The following AZI2 variants were observed in gnomAD, a reference collection of about 807,000 sequenced individuals.
The protein encoded by AZI2 is 5-azacytidine-induced protein 2.
Under a neutral mutation model 45.8 loss-of-function variants are expected in AZI2, and 22 were observed. That is an observed-to-expected ratio of 0.48 (90% confidence interval 0.34 to 0.69). The LOEUF (loss-of-function observed/expected upper bound fraction) is 0.69, where lower values mean the gene tolerates loss of function less well. Ranked by LOEUF, AZI2 falls within the 30% of genes least tolerant of loss-of-function variation. AZI2 has a pLI of 0.01. For missense variants in AZI2, 417 were observed against 441.5 expected (o/e 0.94, Z 0.50); for synonymous variants, 137 against 156.7 (o/e 0.87, Z 0.94).
chr3:28,335,025 A>C (rs1468339773), intron 5 of AZI2, among the ~76,000 whole-genome samples: 1 of 152,072 alleles, frequency 6.6e-6, no homozygotes, highest in Non-Finnish European at 1.5e-5. Flanking sequence ...GGGCCAAAGA[A>C]GTAAAAGAGA....
Position 28,338,692 on chromosome 3 carries a change from C to A in AZI2, c.217-77G>T, listed in dbSNP as rs1377096959. 3.9e-6 allele frequency: 5 copies of A among 1,275,912 alleles called. No homozygotes were observed. In the East Asian group the frequency reaches 1.0e-4, roughly 26 times the overall value. 79.0% of individuals were successfully genotyped at this position (1,275,912 alleles called of 1,614,324 possible). A position where few individuals can be genotyped will look rare whatever the true frequency, so the allele number is the denominator to read the frequency against. Reference sequence around the variant, plus strand: ...AAAATAAGTCAGTGTTCTGATGGCTCCATATCTTACTTCAATCGTAATAAG... The same window carrying A: ...AAAATAAGTCAGTGTTCTGATGGCTACATATCTTACTTCAATCGTAATAAG... On this transcript the variant is annotated intron_variant, in intron 2 of 7. Coordinates refer to ENST00000479665, the MANE Select transcript of AZI2 (RefSeq NM_022461.5).
intron 6 of AZI2, among the ~76,000 whole-genome samples, chr3:28,330,234 G>A (rs1024561204): frequency 2.6e-5 from 4 of 151,084 alleles, no homozygotes; most frequent in Admixed American, 6.6e-5. Context: ...TTTATACAAG[G>A]AGTATCATAT....
chr3:28,324,421 C>T lies in AZI2; in HGVS notation c.800G>A (p.Gly267Glu). The T allele has an allele frequency of 1.3e-6, 2 of 1,528,226 alleles. No homozygotes were observed. The highest frequency in any genetic ancestry group is 1.8e-6 in the Non-Finnish European group (2 of 1,136,486). 94.7% of individuals were successfully genotyped at this position (1,528,226 alleles called of 1,614,324 possible). A position where few individuals can be genotyped will look rare whatever the true frequency, so the allele number is the denominator to read the frequency against. ...CAAGTGCAGTTTTGTGCTGTCTCTT[C>T]CAAGGTCTTCACTGCATCCTACAGG... ...CAPVGCSEDL[G>E]RDSTKLHLMN... The change falls in exon 8 of 8, where the codon GGA (glycine) becomes GAA (glutamate). Residue 267 changes from glycine to glutamate, a missense_variant. Gly to Glu is a moderately conservative substitution (Grantham distance 98, BLOSUM62 -2). Coordinates refer to ENST00000479665, the MANE Select transcript of AZI2 (RefSeq NM_022461.5).
chr3:28,340,121 T>TA (rs1283236862), intron 2 of AZI2, among the ~76,000 whole-genome samples: 3 of 151,682 alleles, frequency 2.0e-5, no homozygotes, highest in African/African-American at 7.3e-5. Context: ...AAATTCTGAA[T>TA]AAAATACATA....
Position 28,340,417 on chromosome 3 carries a change from T to A in AZI2, c.201A>T (p.Arg67Ser). ...TAAAAATTACCTTTTCTTCCAAAAATCTTATTCTCTTCTTTAACAAAGAGT... is the reference window on the plus strand; with the variant it reads ...TAAAAATTACCTTTTCTTCCAAAAAACTTATTCTCTTCTTTAACAAAGAGT... ...KENSLLKKRI[R>S]FLEEKLIARF... Residue 67 changes from arginine to serine, a missense_variant, in exon 2 of 8, where the codon AGA (arginine) becomes AGT (serine). Physicochemically the swap from Arg to Ser is moderately radical, Grantham distance 110. Coordinates refer to ENST00000479665, the MANE Select transcript of AZI2 (RefSeq NM_022461.5). 4 of 1,589,946 alleles carry A rather than the reference T, an allele frequency of 2.5e-6. No individual in the cohort carries two copies. Among genetic ancestry groups the A allele is most frequent in the Non-Finnish European group, 3.4e-6 (4 of 1,160,678 alleles).
chr3:28,340,889 C>T (rs1703991260), intron 1 of AZI2, among the ~76,000 whole-genome samples: 1 of 151,946 alleles, frequency 6.6e-6, no homozygotes, highest in South Asian at 2.1e-4. Context: ...CTATAAACCA[C>T]TTAAAACCAT....
At chr3:28,332,325 G>A in intron 6 of AZI2, 44 bp downstream of exon 6, 1 of 1,531,146 alleles carries the variant, frequency 6.5e-7, no homozygotes, top group Non-Finnish European at 9.0e-7. Context: ...AGTGACTTAT[G>A]GAAGAAGACA....
intron 1 of AZI2, among the ~76,000 whole-genome samples, chr3:28,342,789 T>G (rs1704077088): frequency 6.6e-6 from 1 of 151,272 alleles, no homozygotes; most frequent in South Asian, 2.1e-4. Context: ...CACAGACGGC[T>G]AGGTAAGTGG....
At chr3:28,345,858 T>C (rs1296439188) in intron 1 of AZI2, among the ~76,000 whole-genome samples, 2 of 152,090 alleles carry the variant, frequency 1.3e-5, no homozygotes, top group African/African-American at 2.4e-5. Flanking sequence ...ATAAATATGA[T>C]TATCCTGTCA....
chr3:28,340,463 A>T lies in AZI2; in HGVS notation c.155T>A (p.Leu52His). 1.2e-6 allele frequency: 2 copies of T among 1,612,634 alleles called. No homozygotes were observed. The highest frequency in any genetic ancestry group is 1.7e-6 in the Non-Finnish European group (2 of 1,178,992). Residue 52 changes from leucine (L) to histidine (H), a missense_variant, in exon 2 of 8, where the codon CTT becomes CAT. Coordinates refer to ENST00000479665, the MANE Select transcript of AZI2 (RefSeq NM_022461.5). ...AGAGTTCTCTTTCTCTGAATCCTTAAGTCGTTTTTTGATGTCTTCATATGC... is the reference window on the plus strand; with the variant it reads ...AGAGTTCTCTTTCTCTGAATCCTTATGTCGTTTTTTGATGTCTTCATATGC... ...VTAYEDIKKR[L>H]KDSEKENSLL...
At position 28,323,923 on chromosome 3, in the gene AZI2, T is replaced by C. The variant is rs1300603799; in HGVS notation, c.*119A>G. 5 of 1,161,110 alleles carry C rather than the reference T, an allele frequency of 4.3e-6. No individual in the cohort carries two copies. Among genetic ancestry groups the C allele is most frequent in the Non-Finnish European group, 6.1e-6 (5 of 821,784 alleles). 71.9% of individuals were successfully genotyped at this position (1,161,110 alleles called of 1,614,324 possible). ...ATTGTACAGTGTGTTCAAATATAGA[T>C]ACTGAAGACCTCTGCAAAATTTTAA... is the stretch of plus-strand genomic sequence containing the variant. On this transcript the variant is annotated 3_prime_UTR_variant, in exon 8 of 8. Coordinates refer to ENST00000479665, the MANE Select transcript of AZI2 (RefSeq NM_022461.5).
rs769047056 is a variant in AZI2, at chr3:28,326,895, G to T, written c.703C>A (p.Leu235Met). The T allele has an allele frequency of 1.9e-6, 3 of 1,608,412 alleles. No individual in the cohort carries two copies. The Admixed American group carries it at 5.0e-5, about 27-fold the overall frequency. ...AGTTCAGCTTGTACTTGAGTCACCA[G>T]ATGTAAATTAGACATTTCTCTCTTC... The part of the protein sequence containing the change: ...ELKREMSNLH[L>M]VTQVQAELLR... The change falls in exon 7 of 8, where the codon CTG (leucine) becomes ATG (methionine). Residue 235 changes from leucine (L) to methionine (M), a missense_variant. Transcript: ENST00000479665.
intron 5 of AZI2, among the ~76,000 whole-genome samples, chr3:28,333,372 A>G (rs1276739329): frequency 6.6e-6 from 1 of 151,672 alleles, no homozygotes; most frequent in Non-Finnish European, 1.5e-5. Flanking sequence ...GAGAGGGGAA[A>G]CAGAACTGGC....
chr3:28,333,246 T>C (rs1174712519), intron 5 of AZI2, among the ~76,000 whole-genome samples: 1 of 151,792 alleles, frequency 6.6e-6, no homozygotes, highest in Non-Finnish European at 1.5e-5. Flanking sequence ...ACTTCATGAG[T>C]ACTCTCAACT....
intron 6 of AZI2, among the ~76,000 whole-genome samples, chr3:28,328,949 T>C (rs1703482525): frequency 6.6e-6 from 1 of 151,240 alleles, no homozygotes; most frequent in Non-Finnish European, 1.5e-5. Context: ...AAACCTCTTA[T>C]CTAGGTATTT....
chr3:28,338,667 AAAAT>A, intron 2 of AZI2, 52 bp from the exon 3 acceptor site: 1 of 1,517,610 alleles, frequency 6.6e-7, no homozygotes, highest in Non-Finnish European at 8.9e-7. Context: ...CTATAGATAA[AAAAT>A]AAGTCAGTGT....
chr3:28,342,661 T>C (rs979623245), intron 1 of AZI2, among the ~76,000 whole-genome samples: 6 of 152,048 alleles, frequency 3.9e-5, no homozygotes, highest in East Asian at 1.9e-4. Flanking sequence ...TATTCTCATA[T>C]TGCAAACTGA....
rs200866292 is a variant in AZI2, at chr3:28,338,046, T to A, written c.340-10A>T. On this transcript the variant is annotated splice_polypyrimidine_tract_variant and intron_variant, in intron 3 of 7. Coordinates refer to ENST00000479665, the MANE Select transcript of AZI2 (RefSeq NM_022461.5). ...CAGAGTTGTCTTTATTCTAGTTAAG[T>A]AGGGAAAATGCCAAATTACATTCAA... 46 of 1,493,126 alleles carry A rather than the reference T, an allele frequency of 3.1e-5. No homozygotes were observed. In the East Asian group the frequency reaches 1.0e-3, roughly 34 times the overall value. The allele number at this position is 1,493,126 out of a possible 1,614,324, so 92.5% of individuals were successfully genotyped here. A position where few individuals can be genotyped will look rare whatever the true frequency, so the allele number is the denominator to read the frequency against.
chr3:28,324,383 C>T lies in AZI2; in HGVS notation c.838G>A (p.Ala280Thr). The change falls in exon 8 of 8, where the codon GCA becomes ACA. Residue 280 changes from alanine to threonine, a missense_variant. Ala to Thr is a moderately conservative substitution (Grantham distance 58). Transcript: ENST00000479665. ...AGAGGGGGATGTCTTGTGTATGTTG[C>T]AGTAAAATTCATCAAGTGCAGTTTT... ...STKLHLMNFT[A>T]TYTRHPPLLP... is the part of the protein sequence containing the mutation. The T allele has an allele frequency of 1.9e-6, 3 of 1,563,292 alleles. No homozygotes were observed. The highest frequency in any genetic ancestry group is 2.6e-6 in the Non-Finnish European group (3 of 1,154,450).
Sources: gnomAD v4.1 joint callset for allele counts (sites outside exome capture counted in the v4.1 genomes callset) on GRCh38, gnomAD v4.1.1 for gene constraint, MANE v1.5 for transcripts, NCBI Gene and HGNC (gene_info 2026-07-23, HGNC 2026-07-21) for gene names.